Variants in MAZ observed in about 807,000 individuals in gnomAD.
MAZ encodes myc-associated zinc finger protein.
In MAZ, 4 loss-of-function variants were observed where a neutral mutation model predicts 32.7. The ratio of observed to expected loss-of-function variants is 0.12; its 90% CI spans 0.06 to 0.28. MAZ has a LOEUF of 0.28. Ranked by LOEUF, MAZ falls within the 10% of genes least tolerant of loss-of-function variation. MAZ has a pLI of 1.00. For missense variants in MAZ, 763 were observed against 667.2 expected (o/e 1.14, Z -1.58); for synonymous variants, 510 against 297.6 (o/e 1.71, Z -7.35).
intron 3 of MAZ, 72 bp downstream of exon 3, chr16:29,808,365 C>T (rs186779868): frequency 9.0e-6 from 13 of 1,443,820 alleles, no homozygotes; most frequent in African/African-American, 2.8e-5. Context: ...GAGTCAGTCT[C>T]TCAGACCCCC....
rs1374180971 is a variant in MAZ at position 29,806,736 on chromosome 16, C to A, written c.35C>A (p.Pro12His). ...GTGTTTCCTTGCACGCTGCTGGCCC[C>A]CCCCTTCCCCGTGCTGGGCCTGGAC... ...FPVFPCTLLA[P>H]PFPVLGLDSR... Residue 12 changes from proline (P) to histidine (H), a missense_variant, in exon 1 of 5, where the codon CCC becomes CAC. Transcript: ENST00000322945. 1 of 1,393,744 alleles carries A rather than the reference C, an allele frequency of 7.2e-7. No individual in the cohort carries two copies. The highest frequency in any genetic ancestry group is 9.5e-7 in the Non-Finnish European group (1 of 1,056,490). 86.3% of individuals were successfully genotyped at this position (1,393,744 alleles called of 1,614,324 possible).
rs1258919191 is a variant in MAZ, at chr16:29,811,036, C to A, written c.*805C>A. On this transcript the variant is annotated 3_prime_UTR_variant, in exon 5 of 5. Coordinates refer to ENST00000322945, the MANE Select transcript of MAZ (RefSeq NM_002383.4). ...GCCCTGGTCTTGTCTTTTCATCCCT[C>A]TTCCCCACGACAGAAGAAGTTGTGG... 1 of 455,052 alleles carries A rather than the reference C, an allele frequency of 2.2e-6. No homozygotes were observed. Among genetic ancestry groups the A allele is most frequent in the Non-Finnish European group, 4.4e-6 (1 of 226,290 alleles). The allele number at this position is 455,052 out of a possible 1,614,324, so 28.2% of individuals were successfully genotyped here.
At chr16:29,809,784 TG>T (rs752569552) in intron 4 of MAZ, 28 of 1,270,348 alleles carry the variant, frequency 2.2e-5, no homozygotes, top group African/African-American at 3.0e-5. Context: ...GGGGCATGGC[TG>T]GGGGGCGGGA....
intron 4 of MAZ, chr16:29,809,853 G>A (rs1899813247): frequency 5.2e-6 from 5 of 970,402 alleles, no homozygotes; most frequent in Non-Finnish European, 7.5e-6. Context: ...TCAGGAAGGC[G>A]AGGGATGCCC....
rs948636872 is a variant in MAZ, at chr16:29,811,108, C to T, written c.*877C>T. The T allele has an allele frequency of 2.7e-5, 12 of 449,880 alleles. No individual in the cohort carries two copies. Among genetic ancestry groups the T allele is most frequent in the East Asian group, 7.1e-5 (1 of 14,092 alleles). The allele number at this position is 449,880 out of a possible 1,614,324, so 27.9% of individuals were successfully genotyped here. ...CCTGTGTCCCCTGCATGTACCCCAC[C>T]CTCCACCCCTTCCTTTTGCGCGGAC... On this transcript the variant is annotated 3_prime_UTR_variant, in exon 5 of 5. Transcript: ENST00000322945.
rs1899586086 is a variant in MAZ, at chr16:29,807,500, C to T, written c.715C>T (p.Pro239Ser). ...TMVPLSLLSV[P>S]QLSGAGGGGG... The stretch of plus-strand genomic sequence containing the variant: ...GGTGCCCCTGAGCCTCCTGAGCGTG[C>T]CCCAGCTGAGCGGAGCCGGCGGGGG... The change falls in exon 2 of 5, where the codon CCC becomes TCC. Residue 239 changes from proline to serine, a missense_variant. Coordinates refer to ENST00000322945, the MANE Select transcript of MAZ (RefSeq NM_002383.4). 4 of 1,611,548 alleles carry T rather than the reference C, an allele frequency of 2.5e-6. No homozygotes were observed. Among genetic ancestry groups the T allele is most frequent in the Non-Finnish European group, 3.4e-6 (4 of 1,179,282 alleles).
chr16:29,809,733 C>T lies in MAZ; in HGVS notation c.1280-344C>T, dbSNP rs1187920776. 2.1e-5 allele frequency: 31 copies of T among 1,453,900 alleles called. 1 individual carries two copies. The highest frequency in any genetic ancestry group is 7.6e-5 in the Admixed American group (3 of 39,232). 90.1% of individuals were successfully genotyped at this position (1,453,900 alleles called of 1,614,324 possible). A position where few individuals can be genotyped will look rare whatever the true frequency, so the allele number is the denominator to read the frequency against. Reference sequence around the variant, plus strand: ...CGGGAGACGCCCCCCAGCCACAGCCCACCTGCTGAGGGGGACCCCCGCACC... The same window carrying T: ...CGGGAGACGCCCCCCAGCCACAGCCTACCTGCTGAGGGGGACCCCCGCACC... On this transcript the variant is annotated intron_variant, in intron 4 of 4. Coordinates refer to ENST00000322945, the MANE Select transcript of MAZ (RefSeq NM_002383.4).
chr16:29,808,944 CAG>C (rs1899733553), intron 4 of MAZ: 1 of 588,878 alleles, frequency 1.7e-6, no homozygotes. Context: ...GATGATCTGC[CAG>C]AGAGGTTGAA....
At chr16:29,806,233 C>G, upstream of MAZ, 1 of 268,796 alleles carries the variant, frequency 3.7e-6, no homozygotes, top group South Asian at 4.0e-5. Context: ...CCCTCCTGCC[C>G]GCCCTCCCTC....
At chr16:29,809,008 AAGG>A (rs2142403956) in intron 4 of MAZ, 3 of 555,746 alleles carry the variant, frequency 5.4e-6, no homozygotes, top group African/African-American at 1.9e-5. Context: ...TGCTCTGGGG[AAGG>A]AGTAGTCAAG....
In MAZ at chr16:29,807,270, C is replaced by T. The variant is rs1596868748; in HGVS notation, c.485C>T (p.Thr162Ile). Reference sequence around the variant, plus strand: ...GCCACTATCGCCGCGGCGGCGGCCACCGCCGTCGTAGCCCCAACCTCGACG... The same window carrying T: ...GCCACTATCGCCGCGGCGGCGGCCATCGCCGTCGTAGCCCCAACCTCGACG... ...SAATIAAAAA[T>I]AVVAPTSTVA... is the part of the protein sequence containing the mutation. Residue 162 changes from threonine to isoleucine, a missense_variant, in exon 2 of 5, where the codon ACC (threonine) becomes ATC (isoleucine). Coordinates refer to ENST00000322945, the MANE Select transcript of MAZ (RefSeq NM_002383.4). 1.4e-6 allele frequency: 2 copies of T among 1,465,126 alleles called. No homozygotes were observed. The highest frequency in any genetic ancestry group is 3.0e-5 in the East Asian group (1 of 33,398). 90.8% of individuals were successfully genotyped at this position (1,465,126 alleles called of 1,614,324 possible).
chr16:29,808,809 G>T (rs570286036), intron 4 of MAZ, 68 bp downstream of exon 4: 1 of 1,526,268 alleles, frequency 6.6e-7, no homozygotes, highest in Admixed American at 1.9e-5. Flanking sequence ...GCCTTGCCAC[G>T]GATACGGGTT....
In MAZ at chr16:29,811,134, C is replaced by T. The variant is rs1232968639; in HGVS notation, c.*903C>T. ...CTCCACCCCTTCCTTTTGCGCGGACCCCATTACAATAAATTTTAAATAAAA... is the reference window on the plus strand; with the variant it reads ...CTCCACCCCTTCCTTTTGCGCGGACTCCATTACAATAAATTTTAAATAAAA... On this transcript the variant is annotated 3_prime_UTR_variant, in exon 5 of 5. Transcript: ENST00000322945. 6.9e-6 allele frequency: 3 copies of T among 437,234 alleles called. No homozygotes were observed. Among genetic ancestry groups the T allele is most frequent in the South Asian group, 1.6e-5 (1 of 61,254 alleles). 27.1% of individuals were successfully genotyped at this position (437,234 alleles called of 1,614,324 possible).
At position 29,808,287 on chromosome 16, in the gene MAZ, A is replaced by G; in HGVS notation, c.1101A>G (p.Lys367=). The change falls in exon 3 of 5, where the codon AAA becomes AAG. Residue 367 remains lysine, a synonymous_variant. Coordinates refer to ENST00000322945, the MANE Select transcript of MAZ (RefSeq NM_002383.4). ...RQVHSTERPF[K]CEKCEAAFAT... ...TGCACTCAACAGAACGGCCCTTCAA[A>G]TGTGAGGTAGGAAGCCCGCCTCCTC... The G allele has an allele frequency of 6.2e-7, 1 of 1,613,896 alleles. No homozygotes were observed. The highest frequency in any genetic ancestry group is 1.3e-5 in the African/African-American group (1 of 74,996).
rs779310779 is a variant in MAZ, at chr16:29,807,246, C to T, written c.461C>T (p.Ala154Val). Residue 154 changes from alanine (A) to valine (V), a missense_variant, in exon 2 of 5, where the codon GCC becomes GTC. Coordinates refer to ENST00000322945, the MANE Select transcript of MAZ (RefSeq NM_002383.4). The stretch of plus-strand genomic sequence containing the variant: ...GAGGCCGCGCCCCCCGCCTCCGCCG[C>T]CACTATCGCCGCGGCGGCGGCCACC... ...AAEAAPPASA[A>V]TIAAAAATAV... 3 of 1,422,822 alleles carry T rather than the reference C, an allele frequency of 2.1e-6. No homozygotes were observed. The highest frequency in any genetic ancestry group is 2.7e-5 in the Admixed American group (1 of 36,892). The allele number at this position is 1,422,822 out of a possible 1,614,324, so 88.1% of individuals were successfully genotyped here.
Position 29,806,989 on chromosome 16 carries a change from GC to G in MAZ, c.209del (p.Pro70ArgfsTer58), listed in dbSNP as rs1176350814. On this transcript the variant is annotated frameshift_variant, in exon 2 of 5. Coordinates refer to ENST00000322945, the MANE Select transcript of MAZ (RefSeq NM_002383.4). LOFTEE classifies it high-confidence loss of function. ...CCTTGTCTCCGCAGGCCGCGCCGGC[GC>G]CCCCGCCCACGCCCCAGGCCCCGGC... ...AQSPFQAAPA[P>X]PPTPQAPAAE... 2 of 1,016,860 alleles carry G rather than the reference GC, an allele frequency of 2.0e-6. No homozygotes were observed. The highest frequency in any genetic ancestry group is 2.3e-6 in the Non-Finnish European group (2 of 854,756). The allele number at this position is 1,016,860 out of a possible 1,614,324, so 63.0% of individuals were successfully genotyped here.
At chr16:29,808,855 T>G in intron 4 of MAZ, 114 bp downstream of exon 4, 1 of 1,045,524 alleles carries the variant, frequency 9.6e-7, no homozygotes, top group East Asian at 2.6e-5. Context: ...GGCGTCTAGA[T>G]TCCTACAAGA....
rs754638829 is a variant in MAZ at position 29,807,786 on chromosome 16, A to C, written c.1001A>C (p.His334Pro). Residue 334 changes from histidine (H) to proline (P), a missense_variant, in exon 2 of 5, where the codon CAC (histidine) becomes CCC (proline). By Grantham distance (77) the His-to-Pro change is moderately conservative. Coordinates refer to ENST00000322945, the MANE Select transcript of MAZ (RefSeq NM_002383.4). Reference protein sequence around the residue: ...YHVRSHDGAVHKPYNCSHCGK... With the variant: ...YHVRSHDGAVPKPYNCSHCGK... ...GTGCGCTCACATGACGGCGCTGTGCACAAGCCCTACAACTGCTCCCACTGT... is the reference window on the plus strand; with the variant it reads ...GTGCGCTCACATGACGGCGCTGTGCCCAAGCCCTACAACTGCTCCCACTGT... 2 of 1,611,372 alleles carry C rather than the reference A, an allele frequency of 1.2e-6. No homozygotes were observed. Among genetic ancestry groups the C allele is most frequent in the Non-Finnish European group, 1.7e-6 (2 of 1,179,936 alleles).
chr16:29,807,122 C>A lies in MAZ; in HGVS notation c.337C>A (p.Pro113Thr). The change falls in exon 2 of 5, where the codon CCC becomes ACC. Residue 113 changes from proline to threonine, a missense_variant. Physicochemically the swap from Pro to Thr is conservative, Grantham distance 38. Transcript: ENST00000322945. The stretch of plus-strand genomic sequence containing the variant: ...CGCTGCTGCCGCCGTCGCTGCCGCG[C>A]CCCCGGCCCCTGCCGCCGCCTCTAC... ...AAAAAAVAAA[P>T]PAPAAASTVD... is the part of the protein sequence containing the mutation. 9.9e-7 allele frequency: 1 copy of A among 1,005,282 alleles called. No homozygotes were observed. Among genetic ancestry groups the A allele is most frequent in the Non-Finnish European group, 1.2e-6 (1 of 822,632 alleles). The allele number at this position is 1,005,282 out of a possible 1,614,324, so 62.3% of individuals were successfully genotyped here. A position where few individuals can be genotyped will look rare whatever the true frequency, so the allele number is the denominator to read the frequency against.
Sources: allele counts gnomAD v4.1 joint callset, GRCh38; gene constraint gnomAD v4.1.1; transcripts MANE v1.5; gene names NCBI Gene and HGNC (gene_info 2026-07-23, HGNC 2026-07-21).